FRMPD1: variants seen among roughly 807,000 people sequenced by gnomAD.
The protein encoded by FRMPD1 is FERM and PDZ domain containing 1.
Under a neutral mutation model 117.8 loss-of-function variants are expected in FRMPD1, and 76 were observed. The observed-to-expected ratio is 0.65, with a 90% CI of 0.54 to 0.78. FRMPD1 has a LOEUF of 0.78. Among genes scored for constraint, FRMPD1 ranks in the 30% least tolerant of loss-of-function variants. FRMPD1 has a pLI of 0.00. For synonymous variants in FRMPD1, 783 were observed against 770.4 expected (o/e 1.02, Z -0.27); for missense variants, 1,786 against 1,964.5 (o/e 0.91, Z 1.72).
chr9:37,623,764 G>A, the FRMPD1 span, among the ~76,000 whole-genome samples: 741 of 152,248 alleles, frequency 4.9e-3, 1 homozygote, highest in Non-Finnish European at 8.6e-3. Flanking sequence ...GGAGGCTTTA[G>A]AGATGGGAGT....
intron 1 of FRMPD1, among the ~76,000 whole-genome samples, chr9:37,674,458 C>G (rs894897908): frequency 6.6e-6 from 1 of 152,188 alleles, no homozygotes; most frequent in East Asian, 1.9e-4. Flanking sequence ...TTCTTCTGAG[C>G]CCTCCAAACT....
In FRMPD1 at chr9:37,744,112, C is replaced by T. The variant is rs186531114; in HGVS notation, c.2357-277C>T. 2.8e-3 allele frequency among the ~76,000 whole-genome samples: 423 copies of T among 151,986 alleles called. 3 individuals are homozygous for T. The highest frequency in any genetic ancestry group is 9.6e-3 in the African/African-American group (400 of 41,474). On this transcript the variant is annotated intron_variant, in intron 15 of 15. Transcript: ENST00000377765. ...GGATGAGGCAGGAGAATTGCTTGAA[C>T]CTGGGAGGCAGAGGTTGCAGTGAGC...
At chr9:37,648,982 A>C (rs767798321), upstream of FRMPD1, among the ~76,000 whole-genome samples, 7 of 152,040 alleles carry the variant, frequency 4.6e-5, no homozygotes, top group Non-Finnish European at 2.9e-5. Context: ...ATGGTAAAGG[A>C]GGCTGAGGGG....
chr9:37,723,591 C>CCTATAA (rs1456093888), intron 6 of FRMPD1, among the ~76,000 whole-genome samples: 2 of 152,194 alleles, frequency 1.3e-5, no homozygotes, highest in Non-Finnish European at 2.9e-5. Context: ...GGCATGGTGG[C>CCTATAA]TCACGCCTAT....
chr9:37,648,878 G>A (rs1481710728), upstream of FRMPD1, among the ~76,000 whole-genome samples: 1 of 152,162 alleles, frequency 6.6e-6, no homozygotes, highest in African/African-American at 2.4e-5. Flanking sequence ...GTGTCTCTGG[G>A]TTTGGAAGAC....
intron 7 of FRMPD1, among the ~76,000 whole-genome samples, chr9:37,728,859 A>T (rs7025343): frequency 0.42 from 64,058 of 151,096 alleles, 13,755 homozygotes; most frequent in South Asian, 0.54. Context: ...GCTACTTGGG[A>T]GGCTGAGACA....
chr9:37,704,612 G>A (rs895660418), intron 2 of FRMPD1, among the ~76,000 whole-genome samples: 4 of 151,428 alleles, frequency 2.6e-5, no homozygotes, highest in African/African-American at 7.3e-5. Flanking sequence ...TATAAAACAG[G>A]AATAATAATT....
the FRMPD1 span, among the ~76,000 whole-genome samples, chr9:37,608,623 A>T: frequency 1.3e-5 from 2 of 152,066 alleles, no homozygotes; most frequent in Non-Finnish European, 2.9e-5. Context: ...AACTATAGGC[A>T]CTTGCCACTG....
chr9:37,687,805 C>T (rs1045906142), intron 1 of FRMPD1, among the ~76,000 whole-genome samples: 1 of 152,012 alleles, frequency 6.6e-6, no homozygotes, highest in African/African-American at 2.4e-5. Context: ...ATATAAATGG[C>T]CAAGAGCACA....
chr9:37,631,028 G>T, the FRMPD1 span, among the ~76,000 whole-genome samples: 1 of 152,158 alleles, frequency 6.6e-6, no homozygotes, highest in Non-Finnish European at 1.5e-5. Flanking sequence ...CTGTCATAGA[G>T]GTAAATAGGA....
chr9:37,717,378 TATA>T (rs1173808145), intron 5 of FRMPD1, among the ~76,000 whole-genome samples: 3 of 116,988 alleles, frequency 2.6e-5, no homozygotes, highest in South Asian at 2.6e-4. Flanking sequence ...TGTATATATA[TATA>T]TTTTTTTTTT....
rs747009898 is a variant in FRMPD1 at position 37,740,718 on chromosome 9, AG to A, written c.2195del (p.Gly732GlufsTer97). ...GTTCCGAGAGTACAGCTTCCCGGCA[AG>A]GGGGAGCCCCGCCAGCCTGGGGTCA... Reference protein sequence around the residue: ...DSSESTASRQGGAPPAWGQQG... With the variant: ...DSSESTASRQXGAPPAWGQQG... On this transcript the variant is annotated frameshift_variant, in exon 15 of 16. Transcript: ENST00000377765. LOFTEE classifies it high-confidence loss of function. This position sits in a 1 kb window ranked among gnomAD's most constrained non-coding sequence, Gnocchi z 4.2. 1 of 1,613,918 alleles carries A rather than the reference AG, an allele frequency of 6.2e-7. No individual in the cohort carries two copies.
upstream of FRMPD1, among the ~76,000 whole-genome samples, chr9:37,649,114 G>A (rs1255388733): frequency 6.6e-6 from 1 of 152,054 alleles, no homozygotes; most frequent in Non-Finnish European, 1.5e-5. Context: ...AATTCCATGG[G>A]GAACATTTGT....
At chr9:37,655,011 T>G (rs975950309) in intron 1 of FRMPD1, among the ~76,000 whole-genome samples, 5 of 152,140 alleles carry the variant, frequency 3.3e-5, no homozygotes, top group African/African-American at 1.2e-4. Flanking sequence ...AGGTGCTCAT[T>G]GATGCATAAA....
At chr9:37,681,197 A>G (rs1821717275) in intron 1 of FRMPD1, among the ~76,000 whole-genome samples, 1 of 147,612 alleles carries the variant, frequency 6.8e-6, no homozygotes, top group Non-Finnish European at 1.5e-5. Flanking sequence ...TGGGAGACAA[A>G]GCCAGACTCT....
At chr9:37,636,660 C>T in the FRMPD1 span, 1 of 1,448,796 alleles carries the variant, frequency 6.9e-7, no homozygotes, top group Non-Finnish European at 9.2e-7. Context: ...GAGAAGGTGC[C>T]CCCTCCTGTC....
intron 4 of FRMPD1, 83 bp downstream of exon 4, chr9:37,708,584 C>T (rs1364941384): frequency 9.6e-6 from 8 of 831,346 alleles, no homozygotes; most frequent in Non-Finnish European, 1.6e-5. Context: ...CATAACTGAT[C>T]CCCTGATTTT....
At chr9:37,704,232 C>A (rs958655681) in intron 2 of FRMPD1, among the ~76,000 whole-genome samples, 4 of 152,108 alleles carry the variant, frequency 2.6e-5, no homozygotes, top group Non-Finnish European at 4.4e-5. Flanking sequence ...ATTTAGAGTT[C>A]AAATTGATAC....
rs1457218554 is a variant in FRMPD1, at chr9:37,746,340, A to G, written c.4308A>G (p.Leu1436=). 1.9e-6 allele frequency: 3 copies of G among 1,612,578 alleles called. No homozygotes were observed. The highest frequency in any genetic ancestry group is 2.5e-6 in the Non-Finnish European group (3 of 1,179,772). ...MESLLELQDI[L]ETSWGVGNKH... ...GCTTGCTGGAGCTACAAGACATTTT[A>G]GAAACTTCCTGGGGGGTTGGAAACA... The change falls in exon 16 of 16, where the codon TTA becomes TTG. Residue 1436 remains leucine (L), a synonymous_variant. Coordinates refer to ENST00000377765, the MANE Select transcript of FRMPD1 (RefSeq NM_014907.3).
Sources: gnomAD v4.1 joint callset for allele counts (sites outside exome capture counted in the v4.1 genomes callset) on GRCh38, gnomAD v4.1.1 for gene constraint, Gnocchi (gnomAD v3.1) non-coding constraint, MANE v1.5 for transcripts, NCBI Gene and HGNC (gene_info 2026-07-23, HGNC 2026-07-21) for gene names.